The following AFF1 variants were observed in gnomAD, a reference collection of about 807,000 sequenced individuals.
The protein encoded by AFF1 is AF4/FMR2 family member 1.
A neutral mutation model predicts 121.7 loss-of-function variants in AFF1; 48 were observed. That is an observed-to-expected ratio of 0.39 (90% CI 0.31 to 0.50). The LOEUF (loss-of-function observed/expected upper bound fraction) is 0.50, where lower values mean the gene tolerates loss of function less well. Ranked by LOEUF, AFF1 falls within the 20% of genes least tolerant of loss-of-function variation. The probability of loss-of-function intolerance (pLI) is 0.76; values close to 1 mark genes in which losing one functional copy is unlikely to be tolerated. For synonymous variants in AFF1, 613 were observed against 563.0 expected (o/e 1.09, Z -1.26); for missense variants, 1,523 against 1,511.7 (o/e 1.01, Z -0.12).
At chr4:87,023,912 A>G (rs1449393945) in intron 2 of AFF1, among the ~76,000 whole-genome samples, 1 of 152,180 alleles carries the variant, frequency 6.6e-6, no homozygotes, top group East Asian at 1.9e-4. Context: ...AGACTGGAAA[A>G]AATGGATTCT....
intron 2 of AFF1, among the ~76,000 whole-genome samples, chr4:87,017,497 T>C (rs1312372442): frequency 6.6e-6 from 1 of 152,206 alleles, no homozygotes; most frequent in Non-Finnish European, 1.5e-5. Flanking sequence ...AAAATGCCAA[T>C]GCATGCTGAT....
chr4:87,113,987 C>CA (rs1304694566), intron 11 of AFF1, among the ~76,000 whole-genome samples: 14 of 152,314 alleles, frequency 9.2e-5, no homozygotes, highest in Admixed American at 1.3e-4. Flanking sequence ...TCTGCAAATA[C>CA]TTGATGAAAT....
intron 2 of AFF1, among the ~76,000 whole-genome samples, chr4:87,024,473 G>A (rs1028919893): frequency 6.6e-6 from 1 of 152,148 alleles, no homozygotes; most frequent in Admixed American, 6.5e-5. Context: ...AATTTGGAGA[G>A]AGATGGTAGG....
intron 2 of AFF1, among the ~76,000 whole-genome samples, chr4:87,001,241 G>A (rs1211648669): frequency 4.6e-5 from 4 of 87,092 alleles, no homozygotes; most frequent in Non-Finnish European, 6.8e-5. Context: ...TTTTGGTGAC[G>A]GCGTCTCGCT....
chr4:87,013,116 T>C (rs1726968281), intron 2 of AFF1, among the ~76,000 whole-genome samples: 1 of 141,262 alleles, frequency 7.1e-6, no homozygotes, highest in South Asian at 2.3e-4. Flanking sequence ...CGATCTCGGC[T>C]CACAGCAACC....
chr4:87,046,865 A>G lies in AFF1; in HGVS notation c.330A>G (p.Pro110=), dbSNP rs771375183. The G allele has an allele frequency of 1.9e-6, 3 of 1,614,102 alleles. No individual in the cohort carries two copies. The highest frequency in any genetic ancestry group is 1.7e-6 in the Non-Finnish European group (2 of 1,180,048). Residue 110 remains proline (P), a synonymous_variant, in exon 4 of 21, where the codon CCA becomes CCG. Coordinates refer to ENST00000395146, the MANE Select transcript of AFF1 (RefSeq NM_001166693.3). ...PLIPDKGSSI[P]SSSFHTSVHH... ...TTCCTGACAAAGGGAGCAGCATTCC[A>G]TCCAGCTCCTTCCACACTAGTGTCC...
chr4:87,040,871 C>CTTTTTTTTTTT (rs780348229), intron 2 of AFF1, among the ~76,000 whole-genome samples: 1 of 67,106 alleles, frequency 1.5e-5, no homozygotes, highest in Non-Finnish European at 2.5e-5. Flanking sequence ...CCATGCCCTG[C>CTTTTTTTTTTT]TTTTTTTTTT....
At chr4:86,989,900 A>T (rs997115496) in intron 2 of AFF1, among the ~76,000 whole-genome samples, 1 of 152,174 alleles carries the variant, frequency 6.6e-6, no homozygotes, top group Admixed American at 6.6e-5. Flanking sequence ...GCTGGAAACT[A>T]TCATTCTCAG....
chr4:87,082,495 T>C (rs1270470348), intron 4 of AFF1, among the ~76,000 whole-genome samples: 1 of 152,218 alleles, frequency 6.6e-6, no homozygotes, highest in Non-Finnish European at 1.5e-5. Flanking sequence ...CCAGGAAATT[T>C]ACATGTTTTA....
chr4:87,023,428 A>C (rs1728227048), intron 2 of AFF1, among the ~76,000 whole-genome samples: 1 of 144,490 alleles, frequency 6.9e-6, no homozygotes, highest in South Asian at 2.1e-4. Context: ...CTTATTATAA[A>C]AACTGTGCCT....
At chr4:87,034,497 C>T (rs1729369366) in intron 2 of AFF1, among the ~76,000 whole-genome samples, 1 of 152,126 alleles carries the variant, frequency 6.6e-6, no homozygotes, top group Non-Finnish European at 1.5e-5. Context: ...GTTTATTGTC[C>T]AAGTTTTCAT....
intron 8 of AFF1, among the ~76,000 whole-genome samples, chr4:87,096,390 C>CTT (rs11301562): frequency 1.2e-3 from 85 of 68,278 alleles, no homozygotes; most frequent in East Asian, 2.8e-3. Context: ...ACACACCCGG[C>CTT]TTTTTTTTTT....
chr4:86,985,149 A>G (rs1724105107), intron 2 of AFF1, among the ~76,000 whole-genome samples: 1 of 31,256 alleles, frequency 3.2e-5, no homozygotes, highest in African/African-American at 4.5e-5. Context: ...TATGCATAAT[A>G]TATAAAAATA....
chr4:87,005,300 T>C (rs544539521), intron 2 of AFF1, among the ~76,000 whole-genome samples: 4 of 152,222 alleles, frequency 2.6e-5, no homozygotes, highest in Non-Finnish European at 5.9e-5. Flanking sequence ...GATTCTGTTA[T>C]ACCATTGGTC....
chr4:87,039,533 T>C (rs181513147), intron 2 of AFF1, among the ~76,000 whole-genome samples: 106 of 152,330 alleles, frequency 7.0e-4, no homozygotes, highest in African/African-American at 2.5e-3. Context: ...TTTCATGGCT[T>C]GAGTGTTTAT....
At chr4:87,095,022 T>A in intron 8 of AFF1, 53 bp downstream of exon 8, 2 of 1,520,464 alleles carry the variant, frequency 1.3e-6, no homozygotes, top group South Asian at 1.1e-5. Context: ...AATTGTAATG[T>A]CTCATGTCAA....
chr4:87,126,191 T>G lies in AFF1; in HGVS notation c.2666T>G (p.Leu889Arg). 1 of 1,614,036 alleles carries G rather than the reference T, an allele frequency of 6.2e-7. No individual in the cohort carries two copies. The highest frequency in any genetic ancestry group is 8.5e-7 in the Non-Finnish European group (1 of 1,180,014). ...TCCCAGAAGCCAGCCAAGCCTGCAC[T>G]TAAGAGGTCAAGGCGGGAAGCAGAC... is the stretch of plus-strand genomic sequence containing the variant. ...SSSQKPAKPA[L>R]KRSRREADTC... The change falls in exon 14 of 21, where the codon CTT becomes CGT. Residue 889 changes from leucine (L) to arginine (R), a missense_variant. Transcript: ENST00000395146.
chr4:86,986,027 A>T (rs963416175), intron 2 of AFF1, among the ~76,000 whole-genome samples: 2 of 98,696 alleles, frequency 2.0e-5, no homozygotes, highest in African/African-American at 6.3e-5. Flanking sequence ...TTTTTTTAAA[A>T]TTTAATTCAA....
At chr4:87,107,476 C>G (rs374104590) in intron 10 of AFF1, among the ~76,000 whole-genome samples, 1 of 152,164 alleles carries the variant, frequency 6.6e-6, no homozygotes, top group East Asian at 1.9e-4. Flanking sequence ...AAGCCACTTA[C>G]GAAGAATGGT....
Sources: allele counts gnomAD v4.1 joint callset (sites outside exome capture counted in the v4.1 genomes callset), GRCh38; gene constraint gnomAD v4.1.1; transcripts MANE v1.5; gene names NCBI Gene and HGNC (gene_info 2026-07-23, HGNC 2026-07-21).